Variants in PPARG observed in about 807,000 individuals in gnomAD.
PPARG encodes the protein peroxisome proliferator-activated receptor gamma.
Under a neutral mutation model 39.2 loss-of-function variants are expected in PPARG, and 17 were observed. That is an observed-to-expected ratio of 0.43 (90% CI 0.30 to 0.65). The LOEUF is 0.65. Ranked by LOEUF, PPARG falls within the 30% of genes least tolerant of loss-of-function variation. The pLI, the probability that PPARG is intolerant of heterozygous loss-of-function variation, is 0.13. For synonymous variants in PPARG, 223 were observed against 215.7 expected (o/e 1.03, Z -0.30); for missense variants, 406 against 585.9 (o/e 0.69, Z 3.17).
In PPARG at chr3:12,351,019, C is replaced by A. The variant is rs4135301; in HGVS notation, c.-8-28685C>A. Among the ~76,000 whole-genome samples, 83 of 152,172 alleles carry A rather than the reference C, an allele frequency of 5.5e-4. 1 individual carries two copies. Among genetic ancestry groups the A allele is most frequent in the African/African-American group, 2.0e-3 (83 of 41,514 alleles). ...ATAACATTTCAGTAGCATGCTGATA[C>A]CAACGTTTAAACTATGGATACATAT... On this transcript the variant is annotated intron_variant, in intron 2 of 7. Coordinates refer to ENST00000651735, the MANE Select transcript of PPARG (RefSeq NM_138711.6).
chr3:12,392,165 A>T lies in PPARG; in HGVS notation c.391-449A>T, dbSNP rs548572719. Among the ~76,000 whole-genome samples the T allele has an allele frequency of 1.7e-4, 26 of 152,312 alleles. No homozygotes were observed. In the South Asian group the frequency reaches 5.4e-3, roughly 32 times the overall value. On this transcript the variant is annotated intron_variant, in intron 4 of 7. Transcript: ENST00000651735. The stretch of plus-strand genomic sequence containing the variant: ...AAAAATTATCCACATGTGGATTTTT[A>T]TTGGCCCTGATCATGTTTTAGAATG...
At chr3:12,360,574 C>CA (rs11394520) in intron 2 of PPARG, among the ~76,000 whole-genome samples, 51,280 of 126,588 alleles carry the variant, frequency 0.41, 10,516 homozygotes, top group East Asian at 0.85. Context: ...AGCACCCAGA[C>CA]AAAAAAAAAA....
intron 7 of PPARG, among the ~76,000 whole-genome samples, chr3:12,429,438 C>T (rs372207030): frequency 1.3e-4 from 20 of 151,294 alleles, no homozygotes; most frequent in Admixed American, 4.6e-4. Flanking sequence ...AAGGAGGAGG[C>T]TGGGAGCGGT....
chr3:12,340,068 A>G (rs1020269398), intron 2 of PPARG, among the ~76,000 whole-genome samples: 1 of 152,182 alleles, frequency 6.6e-6, no homozygotes, highest in Admixed American at 6.5e-5. Context: ...TCTCCCATAG[A>G]TAACAATATA....
intron 5 of PPARG, among the ~76,000 whole-genome samples, chr3:12,403,607 T>C (rs2050556280): frequency 6.6e-6 from 1 of 152,142 alleles, no homozygotes. Flanking sequence ...CCTTTCACTT[T>C]GGCCTCCCAA....
intron 2 of PPARG, among the ~76,000 whole-genome samples, chr3:12,318,634 G>A (rs1224293629): frequency 6.6e-6 from 1 of 152,098 alleles, no homozygotes. Context: ...CTTTCTGTTT[G>A]GGGGTTCAGT....
At chr3:12,301,275 G>C (rs550475141) in intron 1 of PPARG, among the ~76,000 whole-genome samples, 3 of 152,318 alleles carry the variant, frequency 2.0e-5, no homozygotes, top group South Asian at 4.1e-4. Context: ...AACAAACTCT[G>C]CTTAGTACCA....
chr3:12,293,971 T>C (rs1352415319), intron 1 of PPARG, among the ~76,000 whole-genome samples: 1 of 152,200 alleles, frequency 6.6e-6, no homozygotes, highest in Non-Finnish European at 1.5e-5. Context: ...TTGAAAGCTT[T>C]GGGTCTACTT....
chr3:12,306,772 T>C (rs1408786968), intron 1 of PPARG, among the ~76,000 whole-genome samples: 5 of 152,178 alleles, frequency 3.3e-5, no homozygotes, highest in Non-Finnish European at 7.4e-5. Context: ...TCACCAAATC[T>C]TTATATTTAG....
chr3:12,301,796 A>T (rs559027957), intron 1 of PPARG: 2 of 152,208 alleles, frequency 1.3e-5, no homozygotes, highest in Non-Finnish European at 2.9e-5. Flanking sequence ...ACACAAGCAG[A>T]TGCTTCTCTT....
At chr3:12,331,291 T>A (rs894885692) in intron 2 of PPARG, among the ~76,000 whole-genome samples, 9 of 152,258 alleles carry the variant, frequency 5.9e-5, no homozygotes, top group Admixed American at 3.9e-4. Flanking sequence ...TGTGAGAGTT[T>A]GAGGAGGTGG....
In PPARG at chr3:12,325,539, T is replaced by G. The variant is rs1240291543; in HGVS notation, c.-9+13086T>G. ...TCGCTTGAACCCAGGAGGTGGAGGT[T>G]GCAGTGAGCCGAGATTGCACCACTG... On this transcript the variant is annotated intron_variant, in intron 2 of 7. Transcript: ENST00000651735. Among the ~76,000 whole-genome samples, 4 of 152,086 alleles carry G rather than the reference T, an allele frequency of 2.6e-5. No homozygotes were observed. In the East Asian group the frequency reaches 7.7e-4, roughly 29 times the overall value.
At chr3:12,295,531 G>C (rs1243747294) in intron 1 of PPARG, among the ~76,000 whole-genome samples, 1 of 119,326 alleles carries the variant, frequency 8.4e-6, no homozygotes, top group Non-Finnish European at 1.8e-5. Context: ...TTTTTTTTTT[G>C]AGATGGAGTT....
At chr3:12,359,219 G>T (rs1218845371) in intron 2 of PPARG, among the ~76,000 whole-genome samples, 1 of 152,130 alleles carries the variant, frequency 6.6e-6, no homozygotes, top group African/African-American at 2.4e-5. Flanking sequence ...GTAGTATTAG[G>T]TGATTAGCTA....
rs572991054 is a variant in PPARG, at chr3:12,351,653, C to T, written c.-8-28051C>T. The T allele has an allele frequency of 5.0e-6, 8 of 1,610,408 alleles. No homozygotes were observed. The Admixed American group carries it at 8.3e-5, about 17-fold the overall frequency. ...AGAAAGCGATTCCTTCACTGATACA[C>T]TGTCTGCAAACATATCACAAGGTAA... On this transcript the variant is annotated intron_variant, in intron 2 of 7. Coordinates refer to ENST00000651735, the MANE Select transcript of PPARG (RefSeq NM_138711.6).
chr3:12,359,327 A>G (rs976908566), intron 2 of PPARG, among the ~76,000 whole-genome samples: 1 of 152,224 alleles, frequency 6.6e-6, no homozygotes, highest in Non-Finnish European at 1.5e-5. Flanking sequence ...GAAGTTTGGA[A>G]AAGAGAAACA....
chr3:12,404,776 C>G (rs2050599072), intron 5 of PPARG, among the ~76,000 whole-genome samples: 1 of 152,158 alleles, frequency 6.6e-6, no homozygotes, highest in Non-Finnish European at 1.5e-5. Context: ...TGCACTCCAG[C>G]CTGGGCGACA....
chr3:12,403,849 C>T (rs1473342296), intron 5 of PPARG, among the ~76,000 whole-genome samples: 3 of 152,100 alleles, frequency 2.0e-5, no homozygotes, highest in African/African-American at 7.2e-5. Flanking sequence ...TTTCAAAATA[C>T]AGTAGACAAG....
At chr3:12,323,861 A>G (rs370345377) in intron 2 of PPARG, among the ~76,000 whole-genome samples, 22 of 152,332 alleles carry the variant, frequency 1.4e-4, no homozygotes, top group Admixed American at 5.2e-4. Context: ...TTAGAAGGTA[A>G]TAGTAAATTA....
Sources: allele counts gnomAD v4.1 joint callset (sites outside exome capture counted in the v4.1 genomes callset), GRCh38; gene constraint gnomAD v4.1.1; transcripts MANE v1.5; gene names NCBI Gene and HGNC (gene_info 2026-07-23, HGNC 2026-07-21).